SCN8A: variants seen among roughly 807,000 people sequenced by gnomAD.
SCN8A encodes the protein sodium voltage-gated channel alpha subunit 8.
SCN8A carries 30 observed loss-of-function variants against 184.1 expected under a neutral mutation model. The ratio of observed to expected loss-of-function variants is 0.16; its 90% confidence interval spans 0.12 to 0.22. SCN8A has a LOEUF of 0.22. Among genes scored for constraint, SCN8A ranks in the 10% least tolerant of loss-of-function variants. The pLI, the probability that SCN8A is intolerant of heterozygous loss-of-function variation, is 1.00. For synonymous variants in SCN8A, 852 were observed against 907.0 expected (o/e 0.94, Z 1.09); for missense variants, 1,057 against 2,498.9 (o/e 0.42, Z 12.30).
intron 1 of SCN8A, among the ~76,000 whole-genome samples, chr12:51,609,802 C>G (rs2138574835): frequency 8.1e-6 from 1 of 123,294 alleles, no homozygotes; most frequent in South Asian, 2.7e-4. Flanking sequence ...ACATCATACA[C>G]CGGGGCCTGT....
chr12:51,612,087 A>C (rs954609679), intron 1 of SCN8A, among the ~76,000 whole-genome samples: 1 of 152,186 alleles, frequency 6.6e-6, no homozygotes, highest in African/African-American at 2.4e-5. Context: ...CTGGACATCC[A>C]TGCATTCTTC....
intron 1 of SCN8A, among the ~76,000 whole-genome samples, chr12:51,619,212 G>T (rs79418340): frequency 1.6e-3 from 240 of 152,200 alleles, no homozygotes; most frequent in Non-Finnish European, 2.1e-3. Context: ...TCCAGAGAAG[G>T]CCTCGTTCTT....
At chr12:51,591,929 G>A (rs566456346) in intron 1 of SCN8A, among the ~76,000 whole-genome samples, 5 of 151,094 alleles carry the variant, frequency 3.3e-5, no homozygotes, top group Admixed American at 3.3e-4. Context: ...GGATGCGTTC[G>A]TCCCCCTCCC....
intron 26 of SCN8A, among the ~76,000 whole-genome samples, chr12:51,795,515 T>C (rs1431446901): frequency 6.6e-6 from 1 of 152,192 alleles, no homozygotes; most frequent in Non-Finnish European, 1.5e-5. Flanking sequence ...ATGCTGGGCC[T>C]AGTGTAGTGG....
At position 51,610,169 on chromosome 12, in the gene SCN8A, CAAAAAA is replaced by C. The variant is rs398019572; in HGVS notation, c.-55+18828_-55+18833del. ...TGGGTGACAGAGCAAAACTCTGTCTCAAAAAAAAAAAAAAAAAAAAAAAGGAATAGC... is the reference window on the plus strand; with the variant it reads ...TGGGTGACAGAGCAAAACTCTGTCTCAAAAAAAAAAAAAAAAAGGAATAGC... On this transcript the variant is annotated intron_variant, in intron 1 of 26. Coordinates refer to ENST00000627620, the MANE Select transcript of SCN8A (RefSeq NM_001330260.2). 5.4e-5 allele frequency among the ~76,000 whole-genome samples: 3 copies of C among 55,934 alleles called. No individual in the cohort carries two copies. The South Asian group carries it at 3.2e-3, about 60-fold the overall frequency. 36.7% of individuals were successfully genotyped at this position (55,934 alleles called of 152,430 possible).
intron 26 of SCN8A, among the ~76,000 whole-genome samples, chr12:51,794,891 AAAG>A (rs1938367231): frequency 1.3e-5 from 2 of 152,174 alleles, no homozygotes; most frequent in Non-Finnish European, 2.9e-5. Context: ...AAAGAAAAAA[AAAG>A]AAGATTGGTT....
intron 1 of SCN8A, among the ~76,000 whole-genome samples, chr12:51,616,037 A>G (rs749402115): frequency 6.6e-6 from 1 of 152,150 alleles, no homozygotes; most frequent in Non-Finnish European, 1.5e-5. Flanking sequence ...TGGCCTCATC[A>G]TTTATATTTT....
At chr12:51,772,353 C>T (rs1942937987) in intron 19 of SCN8A, among the ~76,000 whole-genome samples, 6 of 151,184 alleles carry the variant, frequency 4.0e-5, no homozygotes, top group Admixed American at 4.0e-4. Flanking sequence ...CGAGATTGCA[C>T]CATTGCACTC....
chr12:51,667,537 C>T (rs905694875), intron 2 of SCN8A, among the ~76,000 whole-genome samples: 1 of 151,906 alleles, frequency 6.6e-6, no homozygotes, highest in Non-Finnish European at 1.5e-5. Context: ...ATTTCTCCCA[C>T]TTTTAAAAGT....
At chr12:51,686,987 T>C (rs1770945639) in intron 4 of SCN8A, 104 bp from the exon 5 acceptor site, 3 of 1,199,458 alleles carry the variant, frequency 2.5e-6, no homozygotes, top group East Asian at 2.4e-5. Context: ...CCTTTCTGTT[T>C]TGTCTCTCTT....
At chr12:51,772,120 G>A (rs948407796) in intron 19 of SCN8A, among the ~76,000 whole-genome samples, 8 of 152,220 alleles carry the variant, frequency 5.3e-5, no homozygotes, top group Admixed American at 2.0e-4. Context: ...AAAGTGGCCC[G>A]GTCCAGTGGC....
At chr12:51,758,506 C>T (rs556316807) in intron 14 of SCN8A, among the ~76,000 whole-genome samples, 28 of 152,154 alleles carry the variant, frequency 1.8e-4, no homozygotes, top group South Asian at 4.1e-4. Context: ...GGCACAATCT[C>T]GGCTCACTGC....
At chr12:51,616,323 C>T (rs1172097385) in intron 1 of SCN8A, among the ~76,000 whole-genome samples, 2 of 152,036 alleles carry the variant, frequency 1.3e-5, no homozygotes, top group African/African-American at 4.8e-5. Context: ...TTCATTTTCC[C>T]CCAGCACTTA....
intron 1 of SCN8A, among the ~76,000 whole-genome samples, chr12:51,618,023 G>A (rs192776196): frequency 6.4e-4 from 97 of 152,170 alleles, no homozygotes; most frequent in African/African-American, 2.2e-3. Flanking sequence ...TTCTCTTGTT[G>A]TTTCCCAGAC....
intron 2 of SCN8A, among the ~76,000 whole-genome samples, chr12:51,668,297 TA>T (rs1941072052): frequency 1.3e-5 from 2 of 152,142 alleles, no homozygotes; most frequent in South Asian, 4.1e-4. Flanking sequence ...TAGAAAATTA[TA>T]ATTTGATAGC....
intron 16 of SCN8A, 37 bp downstream of exon 16, chr12:51,766,064 C>A: frequency 6.6e-7 from 1 of 1,524,362 alleles, no homozygotes; most frequent in Non-Finnish European, 9.1e-7. Context: ...GTTCTACACC[C>A]TGAATATTCT....
At chr12:51,591,772 T>C (rs1478394397) in intron 1 of SCN8A, among the ~76,000 whole-genome samples, 1 of 152,058 alleles carries the variant, frequency 6.6e-6, no homozygotes, top group African/African-American at 2.4e-5. Flanking sequence ...GGGATCTTCC[T>C]ACAGCAGCCC....
chr12:51,789,289 G>A lies in SCN8A; in HGVS notation c.4290G>A (p.Glu1430=), dbSNP rs779425905. The A allele has an allele frequency of 1.9e-6, 3 of 1,613,740 alleles. No homozygotes were observed. Among genetic ancestry groups the A allele is most frequent in the East Asian group, 2.2e-5 (1 of 44,870 alleles). ...YAAVDSRKPD[E]QPKYEDNIYM... is the part of the protein sequence containing the mutation. ...ATCCTGTCCTTTGACAGCCTGATGA[G>A]CAGCCTAAGTATGAGGACAATATCT... Residue 1430 remains glutamate, a synonymous_variant, in exon 24 of 27, where the codon GAG becomes GAA. Coordinates refer to ENST00000627620, the MANE Select transcript of SCN8A (RefSeq NM_001330260.2).
At chr12:51,695,092 T>G (rs1337751032) in intron 6 of SCN8A, among the ~76,000 whole-genome samples, 1 of 152,204 alleles carries the variant, frequency 6.6e-6, no homozygotes, top group African/African-American at 2.4e-5. Flanking sequence ...TCTTCTTCTT[T>G]TTCCTTTGCC....
Sources: allele counts gnomAD v4.1 joint callset (sites outside exome capture counted in the v4.1 genomes callset), GRCh38; gene constraint gnomAD v4.1.1; transcripts MANE v1.5; gene names NCBI Gene and HGNC (gene_info 2026-07-23, HGNC 2026-07-21).